Variants in SMIM36 observed in about 807,000 individuals in gnomAD.
The protein encoded by SMIM36 is small integral membrane protein 36.
chr17:55,527,728 C>T, the SMIM36 span: 1 of 152,098 alleles, frequency 6.6e-6, no homozygotes, highest in Non-Finnish European at 1.5e-5. Context: ...GAGAGGGCAC[C>T]CTCTGAGCAG....
intron 1 of SMIM36, among the ~76,000 whole-genome samples, chr17:55,498,272 C>T (rs145558051): frequency 0.012 from 1,778 of 152,266 alleles, 96 homozygotes; most frequent in Admixed American, 0.1. Context: ...AGATTACATC[C>T]TGAGGTACAG....
At chr17:55,486,106 G>A (rs939093910) in intron 1 of SMIM36, among the ~76,000 whole-genome samples, 8 of 147,878 alleles carry the variant, frequency 5.4e-5, no homozygotes, top group African/African-American at 1.5e-4. Context: ...CGTGATCTCC[G>A]CTCAATGCAA....
chr17:55,495,426 A>T (rs1180886233), intron 1 of SMIM36, among the ~76,000 whole-genome samples: 1 of 152,170 alleles, frequency 6.6e-6, no homozygotes, highest in Non-Finnish European at 1.5e-5. Context: ...ACACTTTGTG[A>T]TCTAATCTGT....
chr17:55,500,989 A>T (rs189300032), intron 1 of SMIM36, among the ~76,000 whole-genome samples: 191 of 9,832 alleles, frequency 0.019, 16 homozygotes, highest in East Asian at 0.12. Context: ...TATATTATAT[A>T]TTATAATATG....
At chr17:55,458,424 G>T (rs1361766536) in intron 4 of SMIM36, 2 of 152,210 alleles carry the variant, frequency 1.3e-5, no homozygotes, top group Non-Finnish European at 2.9e-5. Flanking sequence ...GAAGTGCAGG[G>T]TAGAGGAGGG....
chr17:55,494,216 G>A (rs892768231), intron 1 of SMIM36, among the ~76,000 whole-genome samples: 2 of 152,116 alleles, frequency 1.3e-5, no homozygotes, highest in Admixed American at 1.3e-4. Flanking sequence ...TGAAATAGAT[G>A]TACGAGACAC....
chr17:55,493,808 C>CAA (rs10555912), intron 1 of SMIM36, among the ~76,000 whole-genome samples: 38 of 65,078 alleles, frequency 5.8e-4, no homozygotes, highest in Non-Finnish European at 7.6e-4. Context: ...CTCTCTCTCT[C>CAA]AAAAAAAAAA....
the SMIM36 span, among the ~76,000 whole-genome samples, chr17:55,525,413 C>A: frequency 9.2e-5 from 14 of 152,242 alleles, no homozygotes; most frequent in African/African-American, 3.4e-4. Flanking sequence ...AATCCTACCT[C>A]CCCCATAACA....
chr17:55,508,847 C>T lies in SMIM36; in HGVS notation c.*174+2032G>A, dbSNP rs187185720. Among the ~76,000 whole-genome samples the T allele has an allele frequency of 6.6e-3, 993 of 149,396 alleles. 3 individuals carry two copies. Among genetic ancestry groups the T allele is most frequent in the Non-Finnish European group, 9.6e-3 (647 of 67,694 alleles). ...CTGAGGCAGGAGCATTGCTTGAACC[C>T]GGGAGGCGGAGGTTGCAGTGAGCCG... On this transcript the variant is annotated intron_variant, in intron 1 of 4. Coordinates refer to ENST00000636752, the Ensembl canonical transcript of SMIM36.
chr17:55,522,211 C>T, the SMIM36 span, among the ~76,000 whole-genome samples: 1 of 152,284 alleles, frequency 6.6e-6, no homozygotes, highest in South Asian at 2.1e-4. Context: ...GATCATAGTA[C>T]TTGCATAGTA....
At chr17:55,469,206 T>A (rs373938727) in intron 3 of SMIM36, among the ~76,000 whole-genome samples, 11 of 151,870 alleles carry the variant, frequency 7.2e-5, no homozygotes, top group East Asian at 5.8e-4. Flanking sequence ...TTCTATCACC[T>A]CCCCTCCTTA....
chr17:55,498,228 C>T (rs1184733467), intron 1 of SMIM36, among the ~76,000 whole-genome samples: 1 of 152,188 alleles, frequency 6.6e-6, no homozygotes, highest in African/African-American at 2.4e-5. Flanking sequence ...CTCATCTTAA[C>T]TAATTATACC....
At chr17:55,457,969 A>T (rs1257337409) in intron 4 of SMIM36, among the ~76,000 whole-genome samples, 1 of 152,160 alleles carries the variant, frequency 6.6e-6, no homozygotes, top group Non-Finnish European at 1.5e-5. Context: ...CAGAATTGGG[A>T]TTTGCCTGCT....
intron 4 of SMIM36, among the ~76,000 whole-genome samples, chr17:55,462,885 G>A (rs1353064891): frequency 6.6e-6 from 1 of 152,088 alleles, no homozygotes; most frequent in African/African-American, 2.4e-5. Context: ...CTGTGTCTGA[G>A]GAATGATAGA....
upstream of SMIM36, among the ~76,000 whole-genome samples, chr17:55,515,084 G>GTT (rs1567874075): frequency 7.5e-3 from 423 of 56,100 alleles, 11 homozygotes; most frequent in Non-Finnish European, 0.023. Context: ...TTCTAGTCTA[G>GTT]TGTTTTTTTT....
chr17:55,493,808 CAAAAAAAAA>C (rs10555912), intron 1 of SMIM36, among the ~76,000 whole-genome samples: 1,460 of 65,102 alleles, frequency 0.022, 40 homozygotes, highest in African/African-American at 0.075. Context: ...CTCTCTCTCT[CAAAAAAAAA>C]AAAAAAAAAA....
chr17:55,510,957 C>T (rs1212900715), exon 1 of SMIM36: 17 of 396,864 alleles, frequency 4.3e-5, no homozygotes, highest in Admixed American at 2.2e-4. Context: ...CTTCATCAAG[C>T]GGGATACATG....
chr17:55,529,507 C>T, the SMIM36 span, among the ~76,000 whole-genome samples: 12 of 152,152 alleles, frequency 7.9e-5, no homozygotes, highest in African/African-American at 2.9e-4. Context: ...GTGGCTCACG[C>T]CTGTAATCCC....
intron 4 of SMIM36, among the ~76,000 whole-genome samples, chr17:55,466,525 A>C (rs1909242340): frequency 6.6e-6 from 1 of 152,218 alleles, no homozygotes; most frequent in African/African-American, 2.4e-5. Flanking sequence ...ATGATGAATA[A>C]GGACAAGTCC....
Sources: allele counts gnomAD v4.1 joint callset (sites outside exome capture counted in the v4.1 genomes callset), GRCh38; gene constraint gnomAD v4.1.1; transcripts MANE v1.5; gene names NCBI Gene and HGNC (gene_info 2026-07-23, HGNC 2026-07-21).